The following HECW2 variants were observed in gnomAD, a reference collection of about 807,000 sequenced individuals.
HECW2 encodes E3 ubiquitin-protein ligase HECW2.
In HECW2, 61 loss-of-function variants were observed where a neutral mutation model predicts 175.2. The ratio of observed to expected loss-of-function variants is 0.35; its 90% confidence interval spans 0.28 to 0.43. The LOEUF is 0.43. Ranked by LOEUF, HECW2 falls within the 20% of genes least tolerant of loss-of-function variation. The pLI, the probability that HECW2 is intolerant of heterozygous loss-of-function variation, is 1.00. For missense variants in HECW2, 1,524 were observed against 2,000.5 expected, an observed-to-expected ratio of 0.76 and a Z score of 4.54; for synonymous variants, 671 against 731.0, an observed-to-expected ratio of 0.92 and a Z score of 1.32.
intron 19 of HECW2, among the ~76,000 whole-genome samples, chr2:196,250,598 T>C (rs879718381): frequency 1.3e-5 from 2 of 152,002 alleles, no homozygotes; most frequent in Non-Finnish European, 2.9e-5. Flanking sequence ...TTTCATGAAG[T>C]TTTCCCCTAA....
intron 2 of HECW2, among the ~76,000 whole-genome samples, chr2:196,374,602 T>C (rs1172084931): frequency 6.6e-6 from 1 of 152,244 alleles, no homozygotes; most frequent in East Asian, 1.9e-4. Context: ...CTATCTTTAA[T>C]CATCAACTAT....
At chr2:196,525,329 G>T (rs1205028420) in intron 1 of HECW2, among the ~76,000 whole-genome samples, 1 of 100,700 alleles carries the variant, frequency 9.9e-6, no homozygotes, top group Non-Finnish European at 1.9e-5. Flanking sequence ...CCATTTGCTT[G>T]GTAGATCTTC....
At chr2:196,219,064 T>TA (rs575180574) in intron 26 of HECW2, among the ~76,000 whole-genome samples, 32 of 152,206 alleles carry the variant, frequency 2.1e-4, no homozygotes, top group Non-Finnish European at 2.6e-4. Context: ...CTACCTTTTT[T>TA]AAAAAAAATC....
intron 1 of HECW2, among the ~76,000 whole-genome samples, chr2:196,501,955 A>T (rs920662512): frequency 6.6e-6 from 1 of 152,192 alleles, no homozygotes; most frequent in Admixed American, 6.5e-5. Flanking sequence ...CTCACTTTAC[A>T]TTCTCTTCTA....
At chr2:196,299,086 A>G (rs79306402) in intron 13 of HECW2, among the ~76,000 whole-genome samples, 3,833 of 152,302 alleles carry the variant, frequency 0.025, 76 homozygotes, top group South Asian at 0.092. Flanking sequence ...TTTGCCATAT[A>G]TAAGTCAGGA....
At chr2:196,275,924 T>C (rs776245496) in intron 15 of HECW2, among the ~76,000 whole-genome samples, 1 of 152,222 alleles carries the variant, frequency 6.6e-6, no homozygotes, top group Admixed American at 6.5e-5. Context: ...GTGGCTCAAA[T>C]GACTCATGTA....
At chr2:196,243,879 A>G (rs1688554941) in intron 19 of HECW2, among the ~76,000 whole-genome samples, 1 of 152,174 alleles carries the variant, frequency 6.6e-6, no homozygotes, top group South Asian at 2.1e-4. Flanking sequence ...ATGCCCAGCC[A>G]ATTGTTCCTC....
chr2:196,273,946 G>C (rs58494824), intron 16 of HECW2, 75 bp downstream of exon 16: 2 of 1,018,118 alleles, frequency 2.0e-6, no homozygotes, highest in East Asian at 2.4e-5. Flanking sequence ...AACAACAGGG[G>C]AAGTATCAGC....
intron 1 of HECW2, among the ~76,000 whole-genome samples, chr2:196,446,388 T>A (rs188992859): frequency 6.6e-6 from 1 of 152,314 alleles, no homozygotes; most frequent in East Asian, 1.9e-4. Flanking sequence ...GCAGCACTTT[T>A]CATATTGTAA....
intron 2 of HECW2, among the ~76,000 whole-genome samples, chr2:196,357,340 G>A (rs116704362): frequency 8.0e-4 from 121 of 151,132 alleles, no homozygotes; most frequent in African/African-American, 2.8e-3. Context: ...GCGGGGGGGC[G>A]GCACTCATCC....
chr2:196,234,072 T>C (rs961004921), intron 21 of HECW2, among the ~76,000 whole-genome samples: 4 of 152,312 alleles, frequency 2.6e-5, no homozygotes, highest in East Asian at 1.9e-4. Flanking sequence ...CAAGACATGA[T>C]TGATGTCATA....
intron 14 of HECW2, chr2:196,289,194 G>A (rs1690507405): frequency 1.3e-5 from 2 of 152,202 alleles, no homozygotes; most frequent in African/African-American, 4.8e-5. Context: ...GGAGATGGAG[G>A]CAAATTTTAG....
rs144261345 is a variant in HECW2, at chr2:196,364,684, A to C, written c.293-20920T>G. 6.5e-3 allele frequency among the ~76,000 whole-genome samples: 992 copies of C among 152,362 alleles called. 8 individuals carry two copies. Among genetic ancestry groups the C allele is most frequent in the Middle Eastern group, 0.02 (6 of 294 alleles). Reference sequence around the variant, plus strand: ...GGTGCTAGGCACTAGGAGGTAGCTGAGAACAAAATAAACATAGCCCCTGCC... The same window carrying C: ...GGTGCTAGGCACTAGGAGGTAGCTGCGAACAAAATAAACATAGCCCCTGCC... On this transcript the variant is annotated intron_variant, in intron 2 of 28. Coordinates refer to ENST00000644978, the MANE Select transcript of HECW2 (RefSeq NM_001348768.2).
chr2:196,521,575 G>A (rs1364619654), intron 1 of HECW2, among the ~76,000 whole-genome samples: 3 of 149,628 alleles, frequency 2.0e-5, no homozygotes, highest in Non-Finnish European at 4.5e-5. Flanking sequence ...CTGGTGCGCT[G>A]CACCCACTAA....
At chr2:196,400,296 C>T (rs981254954) in intron 2 of HECW2, among the ~76,000 whole-genome samples, 1 of 152,170 alleles carries the variant, frequency 6.6e-6, no homozygotes, top group South Asian at 2.1e-4. Context: ...ACTCCTGTTA[C>T]ATACATCAGT....
At chr2:196,213,351 G>T (rs75412540) in intron 28 of HECW2, among the ~76,000 whole-genome samples, 1,971 of 152,274 alleles carry the variant, frequency 0.013, 36 homozygotes, top group African/African-American at 0.044. Flanking sequence ...TCTTACAATT[G>T]TCAAAAATAC....
chr2:196,398,765 G>A (rs574305524), intron 2 of HECW2, among the ~76,000 whole-genome samples: 3 of 152,172 alleles, frequency 2.0e-5, no homozygotes, highest in African/African-American at 4.8e-5. Flanking sequence ...AAAGACTCAC[G>A]TTATTCTGCA....
chr2:196,326,216 C>T (rs1412000461), intron 5 of HECW2, among the ~76,000 whole-genome samples: 1 of 152,138 alleles, frequency 6.6e-6, no homozygotes, highest in Non-Finnish European at 1.5e-5. Flanking sequence ...CACATAAGCC[C>T]ATTCCTGAAA....
At chr2:196,232,578 T>C (rs1366786158) in intron 21 of HECW2, among the ~76,000 whole-genome samples, 2 of 152,234 alleles carry the variant, frequency 1.3e-5, no homozygotes, top group Non-Finnish European at 2.9e-5. Context: ...ATTGATTCAA[T>C]GACATGAACA....
Sources: allele counts gnomAD v4.1 joint callset (sites outside exome capture counted in the v4.1 genomes callset), GRCh38; gene constraint gnomAD v4.1.1; transcripts MANE v1.5; gene names NCBI Gene and HGNC (gene_info 2026-07-23, HGNC 2026-07-21).